PLEKHA8: variants seen among roughly 807,000 people sequenced by gnomAD.
The protein encoded by PLEKHA8 is pleckstrin homology domain containing A8.
In PLEKHA8, 36 loss-of-function variants were observed where a neutral mutation model predicts 68.2. The observed-to-expected ratio is 0.53, with a 90% CI of 0.40 to 0.70. The LOEUF (loss-of-function observed/expected upper bound fraction) is 0.70. Ranked by LOEUF, PLEKHA8 falls within the 30% of genes least tolerant of loss-of-function variation. PLEKHA8 has a pLI of 0.00. For missense variants in PLEKHA8, 505 were observed against 615.4 expected, an observed-to-expected ratio of 0.82 and a Z score of 1.90; for synonymous variants, 211 against 216.1, an observed-to-expected ratio of 0.98 and a Z score of 0.20.
intron 1 of PLEKHA8, among the ~76,000 whole-genome samples, chr7:30,033,961 T>C (rs1226944182): frequency 6.6e-6 from 1 of 151,832 alleles, no homozygotes; most frequent in Non-Finnish European, 1.5e-5. Flanking sequence ...TCTGCATTTT[T>C]TGCCCATTTG....
intron 10 of PLEKHA8, 145 bp downstream of exon 10, chr7:30,061,087 G>A (rs1340283457): frequency 1.4e-6 from 1 of 717,400 alleles, no homozygotes. Context: ...CTCACACTGT[G>A]AATGCTCAGT....
chr7:30,071,956 T>G (rs1794264010), intron 12 of PLEKHA8: 1 of 152,218 alleles, frequency 6.6e-6, no homozygotes, highest in African/African-American at 2.4e-5. Flanking sequence ...GCTTTGTGAA[T>G]CAGCAACCCC....
At chr7:30,067,719 A>G (rs1168234846) in intron 12 of PLEKHA8, among the ~76,000 whole-genome samples, 1 of 152,212 alleles carries the variant, frequency 6.6e-6, no homozygotes, top group Non-Finnish European at 1.5e-5. Flanking sequence ...AAACTTGTAT[A>G]TGAGGTATCA....
Position 30,084,420 on chromosome 7 carries a change from C to A in PLEKHA8, c.*5633C>A, listed in dbSNP as rs1017149529. On this transcript the variant is annotated 3_prime_UTR_variant, in exon 14 of 14. Transcript: ENST00000449726. Reference sequence around the variant, plus strand: ...ATAAAAGTGTCAAGTGGCTTGTTAACTTCTTAATTTAATGGACCTTTACTT... The same window carrying A: ...ATAAAAGTGTCAAGTGGCTTGTTAAATTCTTAATTTAATGGACCTTTACTT... 1.0e-6 allele frequency: 1 copy of A among 985,250 alleles called. No homozygotes were observed. Among genetic ancestry groups the A allele is most frequent in the Non-Finnish European group, 1.2e-6 (1 of 829,842 alleles). The allele number at this position is 985,250 out of a possible 1,614,324, so 61.0% of individuals were successfully genotyped here. A position where few individuals can be genotyped will look rare whatever the true frequency, so the allele number is the denominator to read the frequency against.
In PLEKHA8 at chr7:30,056,419, A is replaced by G. The variant is rs1792936868; in HGVS notation, c.1039+1077A>G. 4.8e-5 allele frequency among the ~76,000 whole-genome samples: 7 copies of G among 144,460 alleles called. No individual in the cohort carries two copies. In the South Asian group the frequency reaches 1.3e-3, roughly 27 times the overall value. 94.8% of individuals were successfully genotyped at this position (144,460 alleles called of 152,430 possible). On this transcript the variant is annotated intron_variant, in intron 9 of 13. Coordinates refer to ENST00000449726, the MANE Select transcript of PLEKHA8 (RefSeq NM_001197026.2). Reference sequence around the variant, plus strand: ...TAACACATATATATAACATACATATATATGTAAATAAATAAAATGTATGTT... The same window carrying G: ...TAACACATATATATAACATACATATGTATGTAAATAAATAAAATGTATGTT...
intron 2 of PLEKHA8, 64 bp downstream of exon 2, chr7:30,045,265 C>A: frequency 7.6e-6 from 9 of 1,187,812 alleles, no homozygotes; most frequent in Non-Finnish European, 9.8e-6. Context: ...AACAAAAAAG[C>A]CCCTGGCCCC....
intron 13 of PLEKHA8, among the ~76,000 whole-genome samples, chr7:30,108,044 G>C (rs1236545565): frequency 7.7e-6 from 1 of 129,440 alleles, no homozygotes; most frequent in Non-Finnish European, 1.6e-5. Flanking sequence ...ACTCCAGCCT[G>C]GGCAAAAAGC....
Position 30,054,777 on chromosome 7 carries a change from T to A in PLEKHA8, c.865T>A (p.Ser289Thr). 1 of 1,610,068 alleles carries A rather than the reference T, an allele frequency of 6.2e-7. No individual in the cohort carries two copies. The highest frequency in any genetic ancestry group is 1.7e-5 in the Admixed American group (1 of 59,646). Reference protein sequence around the residue: ...LKNHDNNLTQSGSDSSCSPEC... With the variant: ...LKNHDNNLTQTGSDSSCSPEC... ...AAATCATGACAATAACTTGACTCAG[T>A]CTGGATCAGACTCAAGTTGCTCTCC... is the stretch of plus-strand genomic sequence containing the variant. Residue 289 changes from serine to threonine, a missense_variant, in exon 8 of 14, where the codon TCT (serine) becomes ACT (threonine). Coordinates refer to ENST00000449726, the MANE Select transcript of PLEKHA8 (RefSeq NM_001197026.2).
rs1794823165 is a variant in PLEKHA8, at chr7:30,079,610, G to A, written c.*823G>A. 1.4e-6 allele frequency: 1 copy of A among 729,924 alleles called. No individual in the cohort carries two copies. Among genetic ancestry groups the A allele is most frequent in the Admixed American group, 6.3e-5 (1 of 15,930 alleles). 45.2% of individuals were successfully genotyped at this position (729,924 alleles called of 1,614,324 possible). A position where few individuals can be genotyped will look rare whatever the true frequency, so the allele number is the denominator to read the frequency against. Reference sequence around the variant, plus strand: ...TCCACTTCAAAAGCAAGGTTTAGAAGTTGAGGGATCTGTTCACAGTCACAT... The same window carrying A: ...TCCACTTCAAAAGCAAGGTTTAGAAATTGAGGGATCTGTTCACAGTCACAT... On this transcript the variant is annotated 3_prime_UTR_variant, in exon 14 of 14. Transcript: ENST00000449726.
At chr7:30,066,685 C>G (rs906598535) in intron 12 of PLEKHA8, among the ~76,000 whole-genome samples, 1 of 152,192 alleles carries the variant, frequency 6.6e-6, no homozygotes, top group Non-Finnish European at 1.5e-5. Context: ...AGAAAAGTTG[C>G]TCTGGCATTT....
chr7:30,067,648 T>C lies in PLEKHA8; in HGVS notation c.1300+4906T>C, dbSNP rs189275930. ...TAGTTCATTATGTAATACATGTTTTTATGCTTTTGCTATATATTTATGTGT... is the reference window on the plus strand; with the variant it reads ...TAGTTCATTATGTAATACATGTTTTCATGCTTTTGCTATATATTTATGTGT... On this transcript the variant is annotated intron_variant, in intron 12 of 13. Coordinates refer to ENST00000449726, the MANE Select transcript of PLEKHA8 (RefSeq NM_001197026.2). Among the ~76,000 whole-genome samples, 15 of 152,224 alleles carry C rather than the reference T, an allele frequency of 9.9e-5. No individual in the cohort carries two copies. In the East Asian group the frequency reaches 1.5e-3, roughly 16 times the overall value.
chr7:30,071,382 C>T (rs757862392), intron 12 of PLEKHA8, among the ~76,000 whole-genome samples: 4 of 152,238 alleles, frequency 2.6e-5, no homozygotes, highest in South Asian at 2.1e-4. Flanking sequence ...CTCTGTCTGC[C>T]GCACCATCTA....
At chr7:30,122,481 G>A (rs1395960349) in intron 13 of PLEKHA8, among the ~76,000 whole-genome samples, 1 of 152,070 alleles carries the variant, frequency 6.6e-6, no homozygotes, top group Non-Finnish European at 1.5e-5. Context: ...TTTCCTTCTG[G>A]TAGTACCTTG....
At chr7:30,093,270 A>T (rs979340872), downstream of PLEKHA8, among the ~76,000 whole-genome samples, 2 of 152,336 alleles carry the variant, frequency 1.3e-5, no homozygotes, top group Admixed American at 6.5e-5. Context: ...TGAACTACCA[A>T]CCACTGTGTG....
chr7:30,060,455 C>G (rs553417091), intron 9 of PLEKHA8, among the ~76,000 whole-genome samples: 1 of 150,314 alleles, frequency 6.7e-6, no homozygotes, highest in African/African-American at 2.5e-5. Context: ...ACAAACAAAC[C>G]GAAAGAATCA....
chr7:30,052,675 C>T, intron 6 of PLEKHA8, 34 bp from the exon 7 acceptor site: 8 of 1,483,900 alleles, frequency 5.4e-6, no homozygotes, highest in Non-Finnish European at 7.1e-6. Flanking sequence ...AAATAACGAC[C>T]TTCTGGCTTT....
Position 30,054,388 on chromosome 7 carries a change from T to TATA in PLEKHA8, c.797-321_797-320insATA, listed in dbSNP as rs1792662000. 3.3e-5 allele frequency among the ~76,000 whole-genome samples: 5 copies of TATA among 152,328 alleles called. No individual in the cohort carries two copies. In the South Asian group the frequency reaches 1.0e-3, roughly 32 times the overall value. ...AATGAGTAGTGATTGTATTTATAATTGTAAAATTTTGGAAGCTACCTAAGT... is the reference window on the plus strand; with the variant it reads ...AATGAGTAGTGATTGTATTTATAATTATAGTAAAATTTTGGAAGCTACCTAAGT... On this transcript the variant is annotated intron_variant, in intron 7 of 13. Transcript: ENST00000449726.
chr7:30,033,175 TCATCCATTTAAAATGTA>T (rs1208622466), intron 1 of PLEKHA8, among the ~76,000 whole-genome samples: 1 of 152,204 alleles, frequency 6.6e-6, no homozygotes, highest in Non-Finnish European at 1.5e-5. Context: ...ACCATAAAAT[TCATCCATTTAAAATGTA>T]CAAGTCAGTG....
In PLEKHA8 at chr7:30,082,566, A is replaced by G; in HGVS notation, c.*3779A>G. 1 of 985,390 alleles carries G rather than the reference A, an allele frequency of 1.0e-6. No individual in the cohort carries two copies. The allele number at this position is 985,390 out of a possible 1,614,324, so 61.0% of individuals were successfully genotyped here. ...ATTATTAGAGGAGTGCAGCGGAAAA[A>G]AATTTGCACTCTTCTCCTTTTGGTT... is the stretch of plus-strand genomic sequence containing the variant. On this transcript the variant is annotated 3_prime_UTR_variant, in exon 14 of 14. Coordinates refer to ENST00000449726, the MANE Select transcript of PLEKHA8 (RefSeq NM_001197026.2).
Sources: gnomAD v4.1 joint callset for allele counts (sites outside exome capture counted in the v4.1 genomes callset) on GRCh38, gnomAD v4.1.1 for gene constraint, MANE v1.5 for transcripts, NCBI Gene and HGNC (gene_info 2026-07-23, HGNC 2026-07-21) for gene names.